HHIPL2: variants seen among roughly 807,000 people sequenced by gnomAD.
The protein encoded by HHIPL2 is HHIP like 2, also known as HHIP-like protein 2.
HHIPL2 carries 61 observed loss-of-function variants against 61.0 expected under a neutral mutation model. The ratio of observed to expected loss-of-function variants is 1.00; its 90% confidence interval spans 0.81 to 1.24. The LOEUF (loss-of-function observed/expected upper bound fraction) is 1.24. Among genes scored for constraint, HHIPL2 ranks in the 50% most tolerant of loss-of-function variants. The probability of loss-of-function intolerance (pLI) is 0.00; values close to 1 mark genes in which losing one functional copy is unlikely to be tolerated. For missense variants in HHIPL2, 885 were observed against 910.2 expected (o/e 0.97, Z 0.36); for synonymous variants, 343 against 357.4 (o/e 0.96, Z 0.45).
chr1:222,523,723 CG>C (rs1397954349), intron 7 of HHIPL2, 29 bp from the exon 8 acceptor site: 2 of 1,608,116 alleles, frequency 1.2e-6, no homozygotes, highest in African/African-American at 2.7e-5. Flanking sequence ...AGCATGAGGA[CG>C]CAAGACTCTG....
chr1:222,544,314 G>T, intron 1 of HHIPL2, 125 bp from the exon 2 acceptor site: 1 of 976,186 alleles, frequency 1.0e-6, no homozygotes, highest in South Asian at 1.6e-5. Flanking sequence ...TGGAGTTTTT[G>T]TTACCAACTG....
chr1:222,545,567 A>T (rs1269672831), intron 1 of HHIPL2, among the ~76,000 whole-genome samples: 1 of 152,132 alleles, frequency 6.6e-6, no homozygotes, highest in Non-Finnish European at 1.5e-5. Flanking sequence ...GGGAGAAGGG[A>T]GGCTGAATTA....
intron 6 of HHIPL2, among the ~76,000 whole-genome samples, chr1:222,530,440 C>A (rs893467036): frequency 9.9e-5 from 15 of 152,230 alleles, no homozygotes; most frequent in Admixed American, 9.2e-4. Context: ...TGGTTTCTCT[C>A]CTTTTTCATA....
In HHIPL2 at chr1:222,547,800, T is replaced by G; in HGVS notation, c.245A>C (p.Tyr82Ser). 1 of 1,614,144 alleles carries G rather than the reference T, an allele frequency of 6.2e-7. No individual in the cohort carries two copies. The highest frequency in any genetic ancestry group is 2.2e-5 in the East Asian group (1 of 44,862). Residue 82 changes from tyrosine to serine, a missense_variant, in exon 1 of 9, where the codon TAC becomes TCC. Coordinates refer to ENST00000343410, the MANE Select transcript of HHIPL2 (RefSeq NM_024746.4). ...ATCAAAATATTCCATGATGTCCCAG[T>G]ACCGGGCAGCGATGCGGCGGTCCTT... ...QHKDRRIAAR[Y>S]WDIMEYFDLK...
In HHIPL2 at chr1:222,522,828, C is replaced by T; in HGVS notation, c.1948G>A (p.Ala650Thr). ...SEKAARKSSS[A>T]TLASGPAQGL... is the part of the protein sequence containing the mutation. ...TGGGCTGGGCCAGAAGCTAAGGTTG[C>T]ACTGGAAGATTTTCTAGCAGCTTTC... is the stretch of plus-strand genomic sequence containing the variant. The change falls in exon 9 of 9, where the codon GCA becomes ACA. Residue 650 changes from alanine (A) to threonine (T), a missense_variant. Physicochemically the swap from Ala to Thr is moderately conservative, Grantham distance 58. Transcript: ENST00000343410. 1 of 1,614,190 alleles carries T rather than the reference C, an allele frequency of 6.2e-7. No individual in the cohort carries two copies. Among genetic ancestry groups the T allele is most frequent in the Non-Finnish European group, 8.5e-7 (1 of 1,180,028 alleles).
At position 222,531,953 on chromosome 1, in the gene HHIPL2, G is replaced by A; in HGVS notation, c.1723+13C>T. On this transcript the variant is annotated intron_variant, in intron 6 of 8. Coordinates refer to ENST00000343410, the MANE Select transcript of HHIPL2 (RefSeq NM_024746.4). ...TAGTAAGCAGAAATCAAACAACTCTGTACATTTGTTACCTGCTTCATCTTC... is the reference window on the plus strand; with the variant it reads ...TAGTAAGCAGAAATCAAACAACTCTATACATTTGTTACCTGCTTCATCTTC... 1 of 1,596,008 alleles carries A rather than the reference G, an allele frequency of 6.3e-7. No individual in the cohort carries two copies. The highest frequency in any genetic ancestry group is 8.6e-7 in the Non-Finnish European group (1 of 1,168,262).
chr1:222,532,100 G>A lies in HHIPL2; in HGVS notation c.1589C>T (p.Ala530Val). The stretch of plus-strand genomic sequence containing the variant: ...CTTGTTTTTTCTATCTTCCTGCAAA[G>A]CCATAAGTCGACTAGACAAAAAATA... Reference protein sequence around the residue: ...FGDFMSGRLMALQEDRKNKKW... With the variant: ...FGDFMSGRLMVLQEDRKNKKW... The change falls in exon 6 of 9, where the codon GCT becomes GTT. Residue 530 changes from alanine to valine, a missense_variant. By Grantham distance (64) the Ala-to-Val change is moderately conservative. Coordinates refer to ENST00000343410, the MANE Select transcript of HHIPL2 (RefSeq NM_024746.4). 6.2e-7 allele frequency: 1 copy of A among 1,612,668 alleles called. No homozygotes were observed.
chr1:222,522,861 G>T lies in HHIPL2; in HGVS notation c.1915C>A (p.Gln639Lys). 1 of 1,614,094 alleles carries T rather than the reference G, an allele frequency of 6.2e-7. No homozygotes were observed. Among genetic ancestry groups the T allele is most frequent in the Non-Finnish European group, 8.5e-7 (1 of 1,180,018 alleles). ...GATTTTCTAGCAGCTTTCTCTGATT[G>T]TTCCTTTAGCAAGTCCAAGACTGTC... ...AKTVLDLLKE[Q>K]SEKAARKSSS... Residue 639 changes from glutamine to lysine, a missense_variant, in exon 9 of 9, where the codon CAA (glutamine) becomes AAA (lysine). Coordinates refer to ENST00000343410, the MANE Select transcript of HHIPL2 (RefSeq NM_024746.4).
chr1:222,544,189 C>A lies in HHIPL2; in HGVS notation c.322G>T (p.Glu108Ter). Residue 108 changes from glutamate (E) to a stop codon, truncating the protein, a stop_gained and splice_region_variant, in exon 2 of 9, where the codon GAG (glutamate) becomes TAG (stop). Transcript: ENST00000343410. LOFTEE classifies it high-confidence loss of function. ...AGGTGGGCTGCGTAGGGCGAGCACT[C>A]CTAAAAAAGAACGCGGAGCTCAGGC... ...GDYIKDILCQ[E>*]CSPYAAHLYD... 1.2e-6 allele frequency: 2 copies of A among 1,607,036 alleles called. No homozygotes were observed. Among genetic ancestry groups the A allele is most frequent in the East Asian group, 2.2e-5 (1 of 44,760 alleles).
rs182036233 is a variant in HHIPL2 at position 222,531,956 on chromosome 1, C to T, written c.1723+10G>A. 11 of 1,596,022 alleles carry T rather than the reference C, an allele frequency of 6.9e-6. No homozygotes were observed. The Admixed American group carries it at 1.9e-4, about 28-fold the overall frequency. On this transcript the variant is annotated intron_variant, in intron 6 of 8. Coordinates refer to ENST00000343410, the MANE Select transcript of HHIPL2 (RefSeq NM_024746.4). ...TAAGCAGAAATCAAACAACTCTGTA[C>T]ATTTGTTACCTGCTTCATCTTCAGC...
At position 222,540,173 on chromosome 1, in the gene HHIPL2, C is replaced by A. The variant is rs1465373839; in HGVS notation, c.1287G>T (p.Gly429=). The change falls in exon 4 of 9, where the codon GGG becomes GGT. Residue 429 remains glycine (G), a synonymous_variant. Transcript: ENST00000343410. ...CTCGGCCCTGGCGCGTGATGGGGTC[C>A]CCTCGGTCCACAGCACAACGCCACA... ...RNMWRCAVDR[G]DPITRQGRGR... is the part of the protein sequence containing the mutation. The A allele has an allele frequency of 6.2e-7, 1 of 1,614,222 alleles. No homozygotes were observed. Among genetic ancestry groups the A allele is most frequent in the Admixed American group, 1.7e-5 (1 of 60,026 alleles).
At chr1:222,545,324 T>C (rs1351297507) in intron 1 of HHIPL2, among the ~76,000 whole-genome samples, 2 of 152,298 alleles carry the variant, frequency 1.3e-5, no homozygotes, top group Non-Finnish European at 2.9e-5. Flanking sequence ...ACCAGCAGCA[T>C]TTTTCATGTA....
chr1:222,538,095 C>T (rs896157496), intron 5 of HHIPL2, among the ~76,000 whole-genome samples: 1 of 151,748 alleles, frequency 6.6e-6, no homozygotes, highest in African/African-American at 2.4e-5. Context: ...ATTAAAGAAG[C>T]CAAGCACAAA....
chr1:222,533,017 T>A (rs565127787), intron 5 of HHIPL2, among the ~76,000 whole-genome samples: 1 of 152,222 alleles, frequency 6.6e-6, no homozygotes, highest in East Asian at 1.9e-4. Context: ...GAAAGTTTTA[T>A]GGAAACAGAG....
In HHIPL2 at chr1:222,547,918, G is replaced by A; in HGVS notation, c.127C>T (p.Pro43Ser). The change falls in exon 1 of 9, where the codon CCC (proline) becomes TCC (serine). Residue 43 changes from proline to serine, a missense_variant. By Grantham distance (74) the Pro-to-Ser change is moderately conservative. Coordinates refer to ENST00000343410, the MANE Select transcript of HHIPL2 (RefSeq NM_024746.4). ...LGQVGLLQGH[P>S]QCLDYGPPFQ... The stretch of plus-strand genomic sequence containing the variant: ...GGGGGCCCGTAATCCAGGCACTGGG[G>A]GTGTCCCTGCAGCAAGCCCACCTGG... 6.2e-7 allele frequency: 1 copy of A among 1,613,178 alleles called. No individual in the cohort carries two copies. The highest frequency in any genetic ancestry group is 8.5e-7 in the Non-Finnish European group (1 of 1,179,340).
chr1:222,535,348 A>T, intron 5 of HHIPL2, among the ~76,000 whole-genome samples: 1 of 152,252 alleles, frequency 6.6e-6, no homozygotes, highest in East Asian at 1.9e-4. Context: ...GAAAAATGAT[A>T]TCAGATAGAA....
At chr1:222,531,014 G>A (rs986245677) in intron 6 of HHIPL2, among the ~76,000 whole-genome samples, 1 of 152,010 alleles carries the variant, frequency 6.6e-6, no homozygotes, top group Non-Finnish European at 1.5e-5. Flanking sequence ...GCTTTCTGAT[G>A]ATAAAATGTT....
chr1:222,547,698 T>G, intron 1 of HHIPL2, 26 bp downstream of exon 1: 1 of 1,592,396 alleles, frequency 6.3e-7, no homozygotes, highest in Middle Eastern at 1.7e-4. Context: ...CCCAAACCCC[T>G]GGGGCTGGAA....
In HHIPL2 at chr1:222,522,294, T is replaced by C. The variant is rs1658968976; in HGVS notation, c.*307A>G. ...GCAAATGTTGATTTATTACCTCAGG[T>C]TGTAGGCATTTACAAGACAAAACGG... is the stretch of plus-strand genomic sequence containing the variant. On this transcript the variant is annotated 3_prime_UTR_variant, in exon 9 of 9. Transcript: ENST00000343410. The C allele has an allele frequency of 5.3e-6, 2 of 377,506 alleles. No individual in the cohort carries two copies. Among genetic ancestry groups the C allele is most frequent in the African/African-American group, 2.0e-5 (1 of 50,178 alleles). The allele number at this position is 377,506 out of a possible 1,614,324, so 23.4% of individuals were successfully genotyped here.
Sources: allele counts gnomAD v4.1 joint callset (sites outside exome capture counted in the v4.1 genomes callset), GRCh38; gene constraint gnomAD v4.1.1; transcripts MANE v1.5; gene names NCBI Gene and HGNC (gene_info 2026-07-23, HGNC 2026-07-21).